The following NCAM1 variants were observed in gnomAD, a reference collection of about 807,000 sequenced individuals.
NCAM1 encodes the protein antigen recognized by monoclonal antibody 5.1H11.
In NCAM1, 14 loss-of-function variants were observed where a neutral mutation model predicts 109.8. That is an observed-to-expected ratio of 0.13 (90% confidence interval 0.08 to 0.20). The LOEUF (loss-of-function observed/expected upper bound fraction) is 0.20, where lower values mean the gene tolerates loss of function less well. Ranked by LOEUF, NCAM1 falls within the 10% of genes least tolerant of loss-of-function variation. The pLI is 1.00. For synonymous variants in NCAM1, 418 were observed against 442.9 expected (o/e 0.94, Z 0.70); for missense variants, 774 against 1,109.9 (o/e 0.70, Z 4.30).
intron 1 of NCAM1, among the ~76,000 whole-genome samples, chr11:112,991,627 G>C (rs996314985): frequency 1.3e-5 from 2 of 152,148 alleles, no homozygotes; most frequent in African/African-American, 4.8e-5. Flanking sequence ...GACCAGGTTC[G>C]CACAAATAGC....
intron 1 of NCAM1, among the ~76,000 whole-genome samples, chr11:112,994,473 C>A (rs929765046): frequency 7.9e-5 from 12 of 152,110 alleles, no homozygotes; most frequent in Non-Finnish European, 1.6e-4. Context: ...AATTCATTTT[C>A]TTGTTTATGT....
chr11:113,188,253 C>T (rs1386607139), intron 1 of NCAM1, among the ~76,000 whole-genome samples: 1 of 152,172 alleles, frequency 6.6e-6, no homozygotes, highest in African/African-American at 2.4e-5. Flanking sequence ...ATTTTATCAC[C>T]ATCGTCTGTG....
chr11:112,993,446 T>C (rs953817072), intron 1 of NCAM1, among the ~76,000 whole-genome samples: 6 of 152,152 alleles, frequency 3.9e-5, no homozygotes, highest in South Asian at 4.1e-4. Context: ...ACCTCCAGCA[T>C]TGGGGAATAT....
intron 9 of NCAM1, among the ~76,000 whole-genome samples, chr11:113,229,088 A>C (rs868945179): frequency 1.9e-3 from 282 of 152,098 alleles, no homozygotes; most frequent in Admixed American, 3.5e-3. Context: ...CAAATGGGAT[A>C]TAATTAAACT....
rs117438594 is a variant in NCAM1 at position 113,186,424 on chromosome 11, T to C, written c.53-15955T>C. ...GAAAAATTGTCTTCCATGAAACTTG[T>C]CCCTGGTGCCAAAAACTTGGGGACT... On this transcript the variant is annotated intron_variant, in intron 1 of 19. Transcript: ENST00000316851. 2.4e-3 allele frequency among the ~76,000 whole-genome samples: 368 copies of C among 152,334 alleles called. 13 individuals are homozygous for C. In the East Asian group the frequency reaches 0.067, roughly 28 times the overall value.
intron 1 of NCAM1, among the ~76,000 whole-genome samples, chr11:113,200,165 G>C (rs1158056378): frequency 6.6e-6 from 1 of 152,134 alleles, no homozygotes; most frequent in Non-Finnish European, 1.5e-5. Flanking sequence ...AACTTTCTTG[G>C]GGGGACTCAG....
At chr11:113,118,155 G>T (rs1446293342) in intron 1 of NCAM1, among the ~76,000 whole-genome samples, 3 of 151,564 alleles carry the variant, frequency 2.0e-5, no homozygotes, top group Admixed American at 1.3e-4. Flanking sequence ...TTTCTCTGAG[G>T]TTTCTTTTTT....
intron 1 of NCAM1, among the ~76,000 whole-genome samples, chr11:113,106,116 AC>A (rs1236434535): frequency 3.3e-5 from 5 of 152,200 alleles, no homozygotes; most frequent in Non-Finnish European, 7.3e-5. Context: ...CTGAAAAAAA[AC>A]AAGTCCTGTC....
chr11:113,025,604 G>A (rs983167073), intron 1 of NCAM1, among the ~76,000 whole-genome samples: 2 of 152,040 alleles, frequency 1.3e-5, no homozygotes, highest in African/African-American at 4.8e-5. Flanking sequence ...AGCAGAGAAG[G>A]GGGTGGGTGA....
At chr11:113,103,552 G>C (rs1413042232) in intron 1 of NCAM1, among the ~76,000 whole-genome samples, 1 of 152,062 alleles carries the variant, frequency 6.6e-6, no homozygotes, top group Non-Finnish European at 1.5e-5. Flanking sequence ...TCCCATCTAC[G>C]TTACCTGCCT....
intron 16 of NCAM1, among the ~76,000 whole-genome samples, chr11:113,259,374 T>C (rs1945921214): frequency 6.6e-6 from 1 of 151,818 alleles, no homozygotes; most frequent in African/African-American, 2.4e-5. Flanking sequence ...TTAACGAAAC[T>C]GGAATCTACA....
At chr11:113,227,714 AC>A (rs782625583) in intron 9 of NCAM1, among the ~76,000 whole-genome samples, 14 of 152,210 alleles carry the variant, frequency 9.2e-5, no homozygotes, top group Non-Finnish European at 1.8e-4. Context: ...TCCAGCAAAC[AC>A]ATCAAAAAGC....
chr11:113,124,982 T>C (rs1222176894), intron 1 of NCAM1, among the ~76,000 whole-genome samples: 1 of 152,212 alleles, frequency 6.6e-6, no homozygotes, highest in East Asian at 1.9e-4. Flanking sequence ...ACCTCCAATA[T>C]AATTGAAAAA....
At chr11:113,175,889 G>A (rs1943129206) in intron 1 of NCAM1, among the ~76,000 whole-genome samples, 1 of 152,204 alleles carries the variant, frequency 6.6e-6, no homozygotes, top group African/African-American at 2.4e-5. Context: ...GAAGCAAGAA[G>A]TTGATGAGAG....
At chr11:113,259,475 T>C (rs923861152) in intron 16 of NCAM1, among the ~76,000 whole-genome samples, 13 of 152,204 alleles carry the variant, frequency 8.5e-5, no homozygotes, top group Admixed American at 6.5e-4. Flanking sequence ...TTATTACTCT[T>C]CTAGGACATC....
intron 1 of NCAM1, among the ~76,000 whole-genome samples, chr11:112,977,821 A>G (rs1224785773): frequency 6.6e-6 from 1 of 151,880 alleles, no homozygotes; most frequent in Non-Finnish European, 1.5e-5. Context: ...CTGTCTTTGC[A>G]TATTAATCAC....
chr11:113,040,254 A>G (rs73004672), intron 1 of NCAM1, among the ~76,000 whole-genome samples: 27,992 of 152,060 alleles, frequency 0.18, 2,823 homozygotes, highest in East Asian at 0.27. Flanking sequence ...ACACCCCTCA[A>G]TTTGGGTTAG....
chr11:112,969,782 G>A (rs1555066431), intron 1 of NCAM1, among the ~76,000 whole-genome samples: 1 of 152,198 alleles, frequency 6.6e-6, no homozygotes, highest in Non-Finnish European at 1.5e-5. Context: ...TAGAGGCTTA[G>A]AGGAAAAACA....
chr11:113,004,223 G>A (rs559868178), intron 1 of NCAM1, among the ~76,000 whole-genome samples: 88 of 152,252 alleles, frequency 5.8e-4, no homozygotes, highest in Non-Finnish European at 1.1e-3. Context: ...GGCCGGGCGC[G>A]GTGGCTCACG....
Sources: allele counts gnomAD v4.1 joint callset (sites outside exome capture counted in the v4.1 genomes callset), GRCh38; gene constraint gnomAD v4.1.1; transcripts MANE v1.5; gene names NCBI Gene and HGNC (gene_info 2026-07-23, HGNC 2026-07-21).